MAGI2: variants seen among roughly 807,000 people sequenced by gnomAD.
The protein encoded by MAGI2 is membrane-associated guanylate kinase, WW and PDZ domain-containing protein 2.
In MAGI2, 35 loss-of-function variants were observed where a neutral mutation model predicts 133.3. That is an observed-to-expected ratio of 0.26 (90% CI 0.20 to 0.35). MAGI2 has a LOEUF of 0.35. Among genes scored for constraint, MAGI2 ranks in the 10% least tolerant of loss-of-function variants. The probability of loss-of-function intolerance (pLI) is 1.00; values close to 1 mark genes in which losing one functional copy is unlikely to be tolerated. For missense variants in MAGI2, 1,636 were observed against 1,863.4 expected, an observed-to-expected ratio of 0.88 and a Z score of 2.25; for synonymous variants, 729 against 710.6, an observed-to-expected ratio of 1.03 and a Z score of -0.41.
intron 2 of MAGI2, among the ~76,000 whole-genome samples, chr7:78,779,519 A>C (rs1327798596): frequency 2.6e-5 from 4 of 152,216 alleles, no homozygotes; most frequent in African/African-American, 9.6e-5. Flanking sequence ...TACCTGGTCT[A>C]CCTAGAGACC....
intron 6 of MAGI2, among the ~76,000 whole-genome samples, chr7:78,463,652 C>A (rs1430970873): frequency 6.6e-6 from 1 of 152,168 alleles, no homozygotes; most frequent in Non-Finnish European, 1.5e-5. Flanking sequence ...GAAACTCCCC[C>A]TCGCAAATGG....
chr7:78,587,134 T>C (rs1803505391), intron 3 of MAGI2, among the ~76,000 whole-genome samples: 1 of 152,228 alleles, frequency 6.6e-6, no homozygotes, highest in African/African-American at 2.4e-5. Flanking sequence ...GTTCTATTTT[T>C]GATATTTTGA....
chr7:79,402,846 T>C (rs550986613), intron 1 of MAGI2, among the ~76,000 whole-genome samples: 1 of 152,138 alleles, frequency 6.6e-6, no homozygotes, highest in Non-Finnish European at 1.5e-5. Flanking sequence ...ATAAATTCCA[T>C]AACTTTCCAT....
intron 9 of MAGI2, among the ~76,000 whole-genome samples, chr7:78,260,720 T>C (rs1793435966): frequency 6.6e-6 from 1 of 152,114 alleles, no homozygotes; most frequent in East Asian, 1.9e-4. Flanking sequence ...TTGGTCAGAT[T>C]GAGTGTGAGT....
At chr7:78,373,920 G>A (rs1794186988) in intron 6 of MAGI2, among the ~76,000 whole-genome samples, 1 of 152,122 alleles carries the variant, frequency 6.6e-6, no homozygotes, top group Non-Finnish European at 1.5e-5. Flanking sequence ...TGCTGCAAAG[G>A]ACATGATTTT....
chr7:78,675,482 G>T (rs1382549757), intron 2 of MAGI2, among the ~76,000 whole-genome samples: 1 of 152,044 alleles, frequency 6.6e-6, no homozygotes, highest in Non-Finnish European at 1.5e-5. Context: ...AAAGCATCAA[G>T]GAAGGAGGGA....
At chr7:78,646,233 T>G (rs1584951008) in intron 2 of MAGI2, among the ~76,000 whole-genome samples, 2 of 152,268 alleles carry the variant, frequency 1.3e-5, no homozygotes, top group Admixed American at 6.5e-5. Context: ...ATATTAAAAT[T>G]TATTAAATCT....
intron 4 of MAGI2, among the ~76,000 whole-genome samples, chr7:78,503,521 GTGTC>G (rs1420390744): frequency 7.3e-6 from 1 of 136,876 alleles, no homozygotes; most frequent in Admixed American, 7.7e-5. Context: ...GGTTTTATAA[GTGTC>G]TGGCATTTCC....
At chr7:79,069,349 T>C (rs1447323495) in intron 1 of MAGI2, among the ~76,000 whole-genome samples, 1 of 152,216 alleles carries the variant, frequency 6.6e-6, no homozygotes, top group Admixed American at 6.5e-5. Context: ...TTTGCCATTA[T>C]ATAATTCCCT....
At chr7:79,443,972 G>A (rs979533210) in intron 1 of MAGI2, among the ~76,000 whole-genome samples, 1 of 152,066 alleles carries the variant, frequency 6.6e-6, no homozygotes, top group Non-Finnish European at 1.5e-5. Flanking sequence ...CAGTTATGAG[G>A]TTGATAAAAT....
At chr7:79,207,300 T>C (rs1270507167) in intron 1 of MAGI2, among the ~76,000 whole-genome samples, 5 of 151,888 alleles carry the variant, frequency 3.3e-5, no homozygotes, top group African/African-American at 4.8e-5. Context: ...GCAGATGACA[T>C]GGCCATATAT....
At chr7:78,468,827 T>A (rs1790905921) in intron 6 of MAGI2, among the ~76,000 whole-genome samples, 1 of 152,122 alleles carries the variant, frequency 6.6e-6, no homozygotes, top group Non-Finnish European at 1.5e-5. Flanking sequence ...CTGATTGAGG[T>A]AGGAGTCTGG....
At chr7:78,957,976 G>T (rs771019478) in intron 2 of MAGI2, among the ~76,000 whole-genome samples, 9 of 152,148 alleles carry the variant, frequency 5.9e-5, no homozygotes, top group Non-Finnish European at 1.3e-4. Context: ...GTGTGTCATT[G>T]ATTAAGGCAA....
At chr7:78,623,201 T>C (rs1042327269) in intron 3 of MAGI2, among the ~76,000 whole-genome samples, 11 of 152,090 alleles carry the variant, frequency 7.2e-5, no homozygotes, top group African/African-American at 2.6e-4. Context: ...GTTTAGAGAG[T>C]CTTTATTTTT....
intron 2 of MAGI2, among the ~76,000 whole-genome samples, chr7:78,706,114 G>A (rs976210653): frequency 1.3e-5 from 2 of 151,860 alleles, no homozygotes; most frequent in Admixed American, 6.6e-5. Flanking sequence ...TTCTGGTTAG[G>A]AGTCATTTAG....
At chr7:79,288,422 T>C (rs1836198329) in intron 1 of MAGI2, among the ~76,000 whole-genome samples, 1 of 152,216 alleles carries the variant, frequency 6.6e-6, no homozygotes, top group Non-Finnish European at 1.5e-5. Flanking sequence ...TACTGCAATT[T>C]TTTAAACATT....
intron 1 of MAGI2, among the ~76,000 whole-genome samples, chr7:79,165,083 G>A (rs1157159327): frequency 6.6e-6 from 1 of 151,758 alleles, no homozygotes; most frequent in Non-Finnish European, 1.5e-5. Flanking sequence ...TTAAATCATA[G>A]CCACAATAAA....
chr7:78,480,892 G>T (rs539355034), intron 6 of MAGI2, among the ~76,000 whole-genome samples: 1 of 151,880 alleles, frequency 6.6e-6, no homozygotes, highest in South Asian at 2.1e-4. Flanking sequence ...CTGAAATTAC[G>T]AAATGCTGAT....
chr7:78,629,803 T>C (rs1808767891), intron 2 of MAGI2, among the ~76,000 whole-genome samples: 1 of 152,164 alleles, frequency 6.6e-6, no homozygotes, highest in Non-Finnish European at 1.5e-5. Context: ...CATTCTTTCT[T>C]GGTAAAGAGA....
Sources: allele counts gnomAD v4.1 joint callset (sites outside exome capture counted in the v4.1 genomes callset), GRCh38; gene constraint gnomAD v4.1.1; transcripts MANE v1.5; gene names NCBI Gene and HGNC (gene_info 2026-07-23, HGNC 2026-07-21).